USP5: variants seen among roughly 807,000 people sequenced by gnomAD.
USP5 encodes ubiquitin specific peptidase 5, also known as ubiquitin carboxyl-terminal hydrolase 5.
In USP5, 24 loss-of-function variants were observed where a neutral mutation model predicts 102.5. The ratio of observed to expected loss-of-function variants is 0.23; its 90% CI spans 0.17 to 0.33. USP5 has a LOEUF of 0.33. Among genes scored for constraint, USP5 ranks in the 10% least tolerant of loss-of-function variants. The pLI is 1.00. For missense variants in USP5, 753 were observed against 1,122.1 expected (o/e 0.67, Z 4.70); for synonymous variants, 460 against 434.8 (o/e 1.06, Z -0.72).
Position 6,866,506 on chromosome 12 carries a change from G to T in USP5, c.*429G>T, listed in dbSNP as rs1944451545. ...GCCCCTGTGTGGTTGGTCAAGGAGG[G>T]ATGTGAGGGAAATAGGGACCCCCCG... On this transcript the variant is annotated 3_prime_UTR_variant, in exon 20 of 20. Coordinates refer to ENST00000229268, the MANE Select transcript of USP5 (RefSeq NM_001098536.2). This position sits in a 1 kb window ranked among gnomAD's most constrained non-coding sequence, Gnocchi z 4.7. 5.8e-6 allele frequency: 1 copy of T among 173,108 alleles called. No individual in the cohort carries two copies. The highest frequency in any genetic ancestry group is 5.7e-5 in the Admixed American group (1 of 17,592). 10.7% of individuals were successfully genotyped at this position (173,108 alleles called of 1,614,324 possible). A position where few individuals can be genotyped will look rare whatever the true frequency, so the allele number is the denominator to read the frequency against.
rs1330376591 is a variant in USP5, at chr12:6,860,030, ATC to A, written c.1131-119_1131-118del. On this transcript the variant is annotated intron_variant, in intron 9 of 19. Coordinates refer to ENST00000229268, the MANE Select transcript of USP5 (RefSeq NM_001098536.2). This position sits in a 1 kb window ranked among gnomAD's most constrained non-coding sequence, Gnocchi z 5.5. ...CTGTCTTGAGCTGGGTTCCTGTAGAATCTAAGGTTTTTCACGTTGTTGAGAGT... is the reference window on the plus strand; with the variant it reads ...CTGTCTTGAGCTGGGTTCCTGTAGAATAAGGTTTTTCACGTTGTTGAGAGT... The A allele has an allele frequency of 2.8e-6, 3 of 1,079,190 alleles. No homozygotes were observed. Among genetic ancestry groups the A allele is most frequent in the African/African-American group, 1.6e-5 (1 of 62,310 alleles). The allele number at this position is 1,079,190 out of a possible 1,614,324, so 66.9% of individuals were successfully genotyped here.
In USP5 at chr12:6,856,922, T is replaced by A; in HGVS notation, c.769+31T>A. 6.2e-7 allele frequency: 1 copy of A among 1,600,840 alleles called. No homozygotes were observed. The highest frequency in any genetic ancestry group is 8.5e-7 in the Non-Finnish European group (1 of 1,171,892). On this transcript the variant is annotated intron_variant, in intron 6 of 19. Coordinates refer to ENST00000229268, the MANE Select transcript of USP5 (RefSeq NM_001098536.2). The surrounding 1 kb of genome is among the most constrained non-coding windows in gnomAD (Gnocchi z 5.6). ...GCCTCCCCTCCTCCAGCCACTCTCA[T>A]GCTTAAATATATTTCATTTGTTAGT...
chr12:6,853,047 G>A (rs1943987460), intron 1 of USP5, among the ~76,000 whole-genome samples: 1 of 151,884 alleles, frequency 6.6e-6, no homozygotes, highest in South Asian at 2.1e-4. Flanking sequence ...GTTACACAAA[G>A]CCACCTCCCA....
In USP5 at chr12:6,863,366, C is replaced by G. The variant is rs1398530211; in HGVS notation, c.1943C>G (p.Ser648Cys). ...DEDSFCSPHF[S>C]SPTSPMLDES... The stretch of plus-strand genomic sequence containing the variant: ...GACTCCTTCTGCTCCCCTCACTTCT[C>G]CTCTCCGACATGTTAGTGACTCTTC... The change falls in exon 15 of 20, where the codon TCC becomes TGC. Residue 648 changes from serine (S) to cysteine (C), a missense_variant. Ser to Cys is a moderately radical substitution (Grantham distance 112). Coordinates refer to ENST00000229268, the MANE Select transcript of USP5 (RefSeq NM_001098536.2). This position sits in a 1 kb window ranked among gnomAD's most constrained non-coding sequence, Gnocchi z 4.7. 6.2e-7 allele frequency: 1 copy of G among 1,613,702 alleles called. No individual in the cohort carries two copies. The highest frequency in any genetic ancestry group is 8.5e-7 in the Non-Finnish European group (1 of 1,179,812).
At position 6,858,544 on chromosome 12, in the gene USP5, C is replaced by T. The variant is rs183579487; in HGVS notation, c.985C>T (p.Arg329Trp). ...GTTTGGGCCTGGCTACACAGGCATCCGGAACCTGGGTAACAGCTGCTACCT... is the reference window on the plus strand; with the variant it reads ...GTTTGGGCCTGGCTACACAGGCATCTGGAACCTGGGTAACAGCTGCTACCT... The part of the protein sequence containing the change: ...PLFGPGYTGI[R>W]NLGNSCYLNS... The change falls in exon 8 of 20, where the codon CGG becomes TGG. Residue 329 changes from arginine (R) to tryptophan (W), a missense_variant. By Grantham distance (101) the Arg-to-Trp change is moderately radical (BLOSUM62 -3). Transcript: ENST00000229268. This position sits in a 1 kb window ranked among gnomAD's most constrained non-coding sequence, Gnocchi z 4.2. The T allele has an allele frequency of 6.8e-6, 11 of 1,613,858 alleles. No individual in the cohort carries two copies. The highest frequency in any genetic ancestry group is 1.6e-4 in the Middle Eastern group (1 of 6,062).
Position 6,864,989 on chromosome 12 carries a change from T to G in USP5, c.2398+114T>G. 6.9e-7 allele frequency: 1 copy of G among 1,443,882 alleles called. No homozygotes were observed. The highest frequency in any genetic ancestry group is 9.3e-7 in the Non-Finnish European group (1 of 1,074,240). The allele number at this position is 1,443,882 out of a possible 1,614,324, so 89.4% of individuals were successfully genotyped here. On this transcript the variant is annotated intron_variant, in intron 18 of 19. Transcript: ENST00000229268. The surrounding 1 kb of genome is among the most constrained non-coding windows in gnomAD (Gnocchi z 4.8). ...CAGGAGTCAGGGGCTTCTTTCCACC[T>G]CAACGTGGCATCTGAGGGTGGGGTT...
In USP5 at chr12:6,852,299, A is replaced by G. The variant is rs782190611; in HGVS notation, c.111+9A>G. 1.2e-6 allele frequency: 2 copies of G among 1,602,666 alleles called. No individual in the cohort carries two copies. The highest frequency in any genetic ancestry group is 1.7e-6 in the Non-Finnish European group (2 of 1,174,806). On this transcript the variant is annotated intron_variant, in intron 1 of 19. Transcript: ENST00000229268. The stretch of plus-strand genomic sequence containing the variant: ...TCTCCTTCGACACGCCGGTAAGCCC[A>G]TTCCCCACGCCCGCAACGAGCACGA...
rs1358312495 is a variant in USP5, at chr12:6,857,747, T to C, written c.864+24T>C. ...AGGTGAGACCCCCTTCAACTTCAGATTCTTCTACTTCCTGCCCCTGTGAGG... is the reference window on the plus strand; with the variant it reads ...AGGTGAGACCCCCTTCAACTTCAGACTCTTCTACTTCCTGCCCCTGTGAGG... On this transcript the variant is annotated intron_variant, in intron 7 of 19. Coordinates refer to ENST00000229268, the MANE Select transcript of USP5 (RefSeq NM_001098536.2). The C allele has an allele frequency of 1.9e-6, 3 of 1,612,366 alleles. No individual in the cohort carries two copies. In the Admixed American group the frequency reaches 5.0e-5, roughly 27 times the overall value.
intron 1 of USP5, among the ~76,000 whole-genome samples, chr12:6,853,404 T>C (rs1163436009): frequency 3.3e-5 from 5 of 152,232 alleles, no homozygotes; most frequent in African/African-American, 1.2e-4. Flanking sequence ...CCTCAGACAA[T>C]GTGCTGCTTC....
At chr12:6,852,845 A>T (rs1943973557) in intron 1 of USP5, among the ~76,000 whole-genome samples, 1 of 152,116 alleles carries the variant, frequency 6.6e-6, no homozygotes, top group African/African-American at 2.4e-5. Flanking sequence ...CGGGGAGGGG[A>T]GGAAAGAGGA....
At chr12:6,859,789 A>G (rs111457078) in intron 9 of USP5, among the ~76,000 whole-genome samples, 8,632 of 152,122 alleles carry the variant, frequency 0.057, 747 homozygotes, top group African/African-American at 0.19. Flanking sequence ...AGTAGCTAGG[A>G]CTACAGGCAC....
Position 6,855,877 on chromosome 12 carries a change from C to A in USP5, c.304+56C>A, listed in dbSNP as rs1262303660. On this transcript the variant is annotated intron_variant, in intron 3 of 19. Coordinates refer to ENST00000229268, the MANE Select transcript of USP5 (RefSeq NM_001098536.2). This position sits in a 1 kb window ranked among gnomAD's most constrained non-coding sequence, Gnocchi z 4.6. ...CTGAGCTGGTCTTTCTGGCTCTCAG[C>A]AGCACCAGGAAAGCCCCAAAGAGTG... 1.2e-6 allele frequency: 2 copies of A among 1,611,760 alleles called. No individual in the cohort carries two copies. Among genetic ancestry groups the A allele is most frequent in the Non-Finnish European group, 1.7e-6 (2 of 1,178,274 alleles).
rs1030925355 is a variant in USP5, at chr12:6,864,094, T to A, written c.2143T>A (p.Ser715Thr). Reference sequence around the variant, plus strand: ...CCTGCCTGGCTCTAGTGGGCCGGGCTCCACAAGCGCAGCAGCCGACCCCCC... The same window carrying A: ...CCTGCCTGGCTCTAGTGGGCCGGGCACCACAAGCGCAGCAGCCGACCCCCC... ...LILPGSSGPGSTSAAADPPPE... is the reference protein window; with the variant it reads ...LILPGSSGPGTTSAAADPPPE... Residue 715 changes from serine to threonine, a missense_variant, in exon 17 of 20, where the codon TCC (serine) becomes ACC (threonine). Ser to Thr is a moderately conservative substitution (Grantham distance 58). Coordinates refer to ENST00000229268, the MANE Select transcript of USP5 (RefSeq NM_001098536.2). This position sits in a 1 kb window ranked among gnomAD's most constrained non-coding sequence, Gnocchi z 4.8. 4.3e-6 allele frequency: 7 copies of A among 1,613,554 alleles called. No homozygotes were observed. The highest frequency in any genetic ancestry group is 5.1e-6 in the Non-Finnish European group (6 of 1,179,764).
chr12:6,865,008 TG>T, intron 18 of USP5, 133 bp downstream of exon 18: 4 of 1,366,676 alleles, frequency 2.9e-6, no homozygotes, highest in Admixed American at 2.2e-5. Context: ...CATCTGAGGG[TG>T]GGGTTCTCTG....
chr12:6,864,667 C>T lies in USP5; in HGVS notation c.2245-55C>T, dbSNP rs537866918. 1.7e-4 allele frequency: 266 copies of T among 1,557,590 alleles called. 1 individual carries two copies. Among genetic ancestry groups the T allele is most frequent in the African/African-American group, 1.4e-3 (104 of 74,420 alleles). On this transcript the variant is annotated intron_variant, in intron 17 of 19. Transcript: ENST00000229268. This position sits in a 1 kb window ranked among gnomAD's most constrained non-coding sequence, Gnocchi z 4.8. ...TCGCGCCACTGCACTCCAGCCTGGGCGACAGAGCAAGACTCCGTCTCAAGA... is the reference window on the plus strand; with the variant it reads ...TCGCGCCACTGCACTCCAGCCTGGGTGACAGAGCAAGACTCCGTCTCAAGA...
At chr12:6,852,319 G>C in intron 1 of USP5, 29 bp downstream of exon 1, 1 of 1,583,666 alleles carries the variant, frequency 6.3e-7, no homozygotes, top group Non-Finnish European at 8.6e-7. Flanking sequence ...CCCGCAACGA[G>C]CACGACTTCC....
Position 6,864,035 on chromosome 12 carries a change from C to A in USP5, c.2099-15C>A. 6.3e-7 allele frequency: 1 copy of A among 1,593,002 alleles called. No homozygotes were observed. Among genetic ancestry groups the A allele is most frequent in the Non-Finnish European group, 8.6e-7 (1 of 1,166,420 alleles). On this transcript the variant is annotated splice_polypyrimidine_tract_variant and intron_variant, in intron 16 of 19. Transcript: ENST00000229268. The surrounding 1 kb of genome is among the most constrained non-coding windows in gnomAD (Gnocchi z 4.8). ...CCATCCTCCCCCAAACACATCAACC[C>A]CTTCACATCCACAGATTTTGCAAAC...
In USP5 at chr12:6,863,357, C is replaced by T. The variant is rs1944331199; in HGVS notation, c.1934C>T (p.Pro645Leu). ...GAAGACGAAGACTCCTTCTGCTCCCCTCACTTCTCCTCTCCGACATGTTAG... is the reference window on the plus strand; with the variant it reads ...GAAGACGAAGACTCCTTCTGCTCCCTTCACTTCTCCTCTCCGACATGTTAG... ...GNEDEDSFCS[P>L]HFSSPTSPML... The change falls in exon 15 of 20, where the codon CCT (proline) becomes CTT (leucine). Residue 645 changes from proline (P) to leucine (L), a missense_variant. Coordinates refer to ENST00000229268, the MANE Select transcript of USP5 (RefSeq NM_001098536.2). This position sits in a 1 kb window ranked among gnomAD's most constrained non-coding sequence, Gnocchi z 4.7. The T allele has an allele frequency of 6.2e-7, 1 of 1,613,846 alleles. No individual in the cohort carries two copies. Among genetic ancestry groups the T allele is most frequent in the African/African-American group, 1.3e-5 (1 of 74,942 alleles).
chr12:6,856,862 A>G lies in USP5; in HGVS notation c.740A>G (p.Lys247Arg). ...GAGACAGGCTACCCGTTAGCTGTCA[A>G]GCTGGGCACCATCACCCCTGATGGA... Reference protein sequence around the residue: ...YRETGYPLAVKLGTITPDGAD... With the variant: ...YRETGYPLAVRLGTITPDGAD... The change falls in exon 6 of 20, where the codon AAG becomes AGG. Residue 247 changes from lysine to arginine, a missense_variant. Lys to Arg is a conservative substitution (Grantham distance 26, BLOSUM62 2). Transcript: ENST00000229268. This position sits in a 1 kb window ranked among gnomAD's most constrained non-coding sequence, Gnocchi z 5.6. 1 of 1,614,154 alleles carries G rather than the reference A, an allele frequency of 6.2e-7. No individual in the cohort carries two copies. Among genetic ancestry groups the G allele is most frequent in the Non-Finnish European group, 8.5e-7 (1 of 1,180,014 alleles).
Sources: gnomAD v4.1 joint callset for allele counts (sites outside exome capture counted in the v4.1 genomes callset) on GRCh38, gnomAD v4.1.1 for gene constraint, Gnocchi (gnomAD v3.1) non-coding constraint, MANE v1.5 for transcripts, NCBI Gene and HGNC (gene_info 2026-07-23, HGNC 2026-07-21) for gene names.